Variants in LOC128462377 observed in about 807,000 individuals in gnomAD.
the LOC128462377 span, among the ~76,000 whole-genome samples, chr16:89,362,380 G>A: frequency 6.6e-6 from 1 of 152,214 alleles, no homozygotes; most frequent in Non-Finnish European, 1.5e-5. Flanking sequence ...ACCAAAACCT[G>A]AGCTGGAGAG....
At chr16:89,384,874 G>GTTTTTTTTTTTTTTTTTTTT in the LOC128462377 span, among the ~76,000 whole-genome samples, 2 of 72,768 alleles carry the variant, frequency 2.7e-5, no homozygotes, top group African/African-American at 5.6e-5. Context: ...ATGAGAAATA[G>GTTTTTTTTTTTTTTTTTTTT]TTTTCTTTTT....
chr16:89,358,795 T>C, the LOC128462377 span, among the ~76,000 whole-genome samples: 5 of 151,498 alleles, frequency 3.3e-5, no homozygotes, highest in South Asian at 1.0e-3. Context: ...AAAACCCACA[T>C]CTCACATTTC....
chr16:89,386,771 G>C, the LOC128462377 span, among the ~76,000 whole-genome samples: 1 of 152,186 alleles, frequency 6.6e-6, no homozygotes, highest in Non-Finnish European at 1.5e-5. Context: ...TAGCACTGTA[G>C]AATCCTTCCA....
chr16:89,342,581 T>C, the LOC128462377 span, among the ~76,000 whole-genome samples: 1 of 152,242 alleles, frequency 6.6e-6, no homozygotes, highest in Admixed American at 6.5e-5. Context: ...CTTTTCCTTA[T>C]TTCCCCTCTA....
chr16:89,384,874 G>GTTTTT, the LOC128462377 span, among the ~76,000 whole-genome samples: 51 of 72,760 alleles, frequency 7.0e-4, 1 homozygote, highest in African/African-American at 2.5e-3. Flanking sequence ...ATGAGAAATA[G>GTTTTT]TTTTCTTTTT....
chr16:89,374,601 C>T, the LOC128462377 span, among the ~76,000 whole-genome samples: 6 of 152,236 alleles, frequency 3.9e-5, no homozygotes, highest in Admixed American at 6.5e-5. Flanking sequence ...TACAGAGCAA[C>T]CTCAGGAGAG....
chr16:89,358,317 C>G, the LOC128462377 span, among the ~76,000 whole-genome samples: 1 of 152,124 alleles, frequency 6.6e-6, no homozygotes, highest in Non-Finnish European at 1.5e-5. Flanking sequence ...CACATCACAG[C>G]TGCATATTCA....
the LOC128462377 span, among the ~76,000 whole-genome samples, chr16:89,411,934 CAG>C: frequency 6.7e-6 from 1 of 149,500 alleles, no homozygotes; most frequent in African/African-American, 2.5e-5. Flanking sequence ...AGATGCCTCC[CAG>C]AGTCTCCTGG....
the LOC128462377 span, among the ~76,000 whole-genome samples, chr16:89,414,642 G>T: frequency 6.6e-6 from 1 of 152,214 alleles, no homozygotes; most frequent in Non-Finnish European, 1.5e-5. Context: ...CTGAGGCTCG[G>T]AGAGTGGAAG....
At chr16:89,413,194 C>A in the LOC128462377 span, among the ~76,000 whole-genome samples, 1 of 152,182 alleles carries the variant, frequency 6.6e-6, no homozygotes, top group South Asian at 2.1e-4. Flanking sequence ...ACAGATAATT[C>A]CTCAGAACTC....
chr16:89,341,203 G>A, the LOC128462377 span, among the ~76,000 whole-genome samples: 2 of 152,206 alleles, frequency 1.3e-5, no homozygotes, highest in Non-Finnish European at 2.9e-5. Context: ...GGTGAGATCC[G>A]CGGAGAAGAC....
chr16:89,415,829 CAAAAAAAAAAAA>C, the LOC128462377 span, among the ~76,000 whole-genome samples: 1 of 39,744 alleles, frequency 2.5e-5, no homozygotes, highest in Non-Finnish European at 4.7e-5. Context: ...GACTCTGTCT[CAAAAAAAAAAAA>C]AAAAAAAAAC....
the LOC128462377 span, among the ~76,000 whole-genome samples, chr16:89,381,595 T>C: frequency 2.6e-5 from 4 of 152,286 alleles, no homozygotes; most frequent in African/African-American, 9.6e-5. Flanking sequence ...TGATACGCTT[T>C]CCAACAAGAG....
At chr16:89,345,006 A>G in the LOC128462377 span, among the ~76,000 whole-genome samples, 1 of 152,258 alleles carries the variant, frequency 6.6e-6, no homozygotes, top group Admixed American at 6.5e-5. Context: ...AAGCAGGCGC[A>G]GATGAGGCAG....
chr16:89,331,276 T>A, the LOC128462377 span, among the ~76,000 whole-genome samples: 1 of 152,220 alleles, frequency 6.6e-6, no homozygotes, highest in Non-Finnish European at 1.5e-5. Context: ...TTCTTAATAT[T>A]AACTTCATGT....
chr16:89,359,233 G>A, the LOC128462377 span, among the ~76,000 whole-genome samples: 1 of 152,114 alleles, frequency 6.6e-6, no homozygotes, highest in South Asian at 2.1e-4. Context: ...CATGAATGGT[G>A]CCTCCAAAGA....
the LOC128462377 span, among the ~76,000 whole-genome samples, chr16:89,376,315 G>A: frequency 2.0e-5 from 3 of 152,192 alleles, no homozygotes; most frequent in African/African-American, 7.2e-5. Flanking sequence ...GTTTTAGAAC[G>A]TTTGGCTTTA....
chr16:89,355,426 T>A, the LOC128462377 span, among the ~76,000 whole-genome samples: 73 of 152,300 alleles, frequency 4.8e-4, no homozygotes, highest in Non-Finnish European at 8.7e-4. Flanking sequence ...AAACTTTTCA[T>A]CAGCCAGACT....
the LOC128462377 span, among the ~76,000 whole-genome samples, chr16:89,405,566 T>C: frequency 5.3e-5 from 8 of 151,548 alleles, no homozygotes; most frequent in Admixed American, 2.6e-4. Flanking sequence ...ACTCCTGGGT[T>C]GCAGCAATCC....
Sources: allele counts gnomAD v4.1 joint callset (sites outside exome capture counted in the v4.1 genomes callset), GRCh38; gene constraint gnomAD v4.1.1; transcripts MANE v1.5.